PDGFRB: variants seen among roughly 807,000 people sequenced by gnomAD.
PDGFRB encodes platelet-derived growth factor receptor beta.
In PDGFRB, 42 loss-of-function variants were observed where a neutral mutation model predicts 120.2. The ratio of observed to expected loss-of-function variants is 0.35; its 90% CI spans 0.27 to 0.45. The LOEUF (loss-of-function observed/expected upper bound fraction) is 0.45. PDGFRB is among the 20% of genes least tolerant of loss of function. The pLI is 1.00. For synonymous variants in PDGFRB, 586 were observed against 606.8 expected, an observed-to-expected ratio of 0.97 and a Z score of 0.50; for missense variants, 1,149 against 1,476.3, an observed-to-expected ratio of 0.78 and a Z score of 3.63.
chr5:150,128,277 C>CCCA (rs1562000457), intron 10 of PDGFRB, among the ~76,000 whole-genome samples: 1 of 152,242 alleles, frequency 6.6e-6, no homozygotes, highest in East Asian at 1.9e-4. Flanking sequence ...TGCCCAGATA[C>CCCA]CCACTTGCTC....
chr5:150,142,807 G>T (rs1295130770), intron 1 of PDGFRB, among the ~76,000 whole-genome samples: 1 of 152,118 alleles, frequency 6.6e-6, no homozygotes, highest in Admixed American at 6.5e-5. Flanking sequence ...ATAGAACAAT[G>T]ATAAAAATAT....
intron 10 of PDGFRB, among the ~76,000 whole-genome samples, chr5:150,127,030 C>T (rs377531589): frequency 2.6e-5 from 4 of 152,210 alleles, no homozygotes; most frequent in East Asian, 3.8e-4. Flanking sequence ...TGCCACAGCT[C>T]GGTCAGACTC....
intron 1 of PDGFRB, among the ~76,000 whole-genome samples, chr5:150,141,776 G>A (rs1309269259): frequency 4.6e-5 from 7 of 152,054 alleles, no homozygotes; most frequent in African/African-American, 1.2e-4. Flanking sequence ...GTGTACACGC[G>A]CACGTGCTGA....
chr5:150,121,402 G>T lies in PDGFRB; in HGVS notation c.2345-80C>A. 1.3e-6 allele frequency: 1 copy of T among 781,996 alleles called. No homozygotes were observed. Among genetic ancestry groups the T allele is most frequent in the Middle Eastern group, 2.5e-4 (1 of 3,968 alleles). 48.4% of individuals were successfully genotyped at this position (781,996 alleles called of 1,614,324 possible). ...GACCCCTGCCCTTTGGCTCCTGGGA[G>T]ACTGAATGTCCAAGACAGGTGGCTA... On this transcript the variant is annotated intron_variant, in intron 16 of 22. Coordinates refer to ENST00000261799, the MANE Select transcript of PDGFRB (RefSeq NM_002609.4). This position sits in a 1 kb window ranked among gnomAD's most constrained non-coding sequence, Gnocchi z 4.1.
chr5:150,138,266 C>T (rs942334762), intron 1 of PDGFRB, among the ~76,000 whole-genome samples: 60 of 152,198 alleles, frequency 3.9e-4, no homozygotes, highest in African/African-American at 1.4e-3. Context: ...TGGCCTGCCT[C>T]TGAAGGCCAT....
At chr5:150,141,124 C>A (rs1021483252) in intron 1 of PDGFRB, among the ~76,000 whole-genome samples, 6 of 152,212 alleles carry the variant, frequency 3.9e-5, no homozygotes, top group African/African-American at 1.4e-4. Context: ...ATGCAAGAGG[C>A]CATGTGGGTG....
Position 150,115,188 on chromosome 5 carries a change from C to CGCAGGGA in PDGFRB, c.*568_*574dup. 4.3e-6 allele frequency: 1 copy of CGCAGGGA among 233,064 alleles called. No homozygotes were observed. Among genetic ancestry groups the CGCAGGGA allele is most frequent in the Admixed American group, 5.6e-5 (1 of 17,786 alleles). 14.4% of individuals were successfully genotyped at this position (233,064 alleles called of 1,614,324 possible). On this transcript the variant is annotated 3_prime_UTR_variant, in exon 23 of 23. Coordinates refer to ENST00000261799, the MANE Select transcript of PDGFRB (RefSeq NM_002609.4). ...CCCCAGACCAGCTCGGGCCAGGGAA[C>CGCAGGGA]GCAGGGACTGGCATCATAGGGAGGA...
At position 150,136,049 on chromosome 5, in the gene PDGFRB, G is replaced by T. The variant is rs185270779; in HGVS notation, c.41-171C>A. ...CATGGCTCTGAGGACCGCTCGCCCA[G>T]CTCCAAGGCCCCAGGGATTCCTCTG... is the stretch of plus-strand genomic sequence containing the variant. On this transcript the variant is annotated intron_variant, in intron 2 of 22. Transcript: ENST00000261799. Among the ~76,000 whole-genome samples, 7 of 152,314 alleles carry T rather than the reference G, an allele frequency of 4.6e-5. No homozygotes were observed. In the East Asian group the frequency reaches 1.4e-3, roughly 29 times the overall value.
chr5:150,132,677 G>A lies in PDGFRB; in HGVS notation c.1127+73C>T. On this transcript the variant is annotated intron_variant, in intron 7 of 22. Transcript: ENST00000261799. The surrounding 1 kb of genome is among the most constrained non-coding windows in gnomAD (Gnocchi z 5.0). ...GAAAGCTGGGCCTAGGTTTGTGGCT[G>A]AAAGCCGAGGGCTGCCTGGCGGCTG... The A allele has an allele frequency of 6.9e-7, 1 of 1,451,282 alleles. No homozygotes were observed. Among genetic ancestry groups the A allele is most frequent in the Non-Finnish European group, 9.3e-7 (1 of 1,073,988 alleles). The allele number at this position is 1,451,282 out of a possible 1,614,324, so 89.9% of individuals were successfully genotyped here.
rs562315093 is a variant in PDGFRB, at chr5:150,115,541, G to T, written c.*222C>A. The T allele has an allele frequency of 2.4e-6, 1 of 408,172 alleles. No homozygotes were observed. Among genetic ancestry groups the T allele is most frequent in the Non-Finnish European group, 4.3e-6 (1 of 233,248 alleles). 25.3% of individuals were successfully genotyped at this position (408,172 alleles called of 1,614,324 possible). A position where few individuals can be genotyped will look rare whatever the true frequency, so the allele number is the denominator to read the frequency against. ...GGGAACCCTGGCTCAGAGTCAGTTG[G>T]CCTCCCTGGAGGCAGAGGGCTGGTC... On this transcript the variant is annotated 3_prime_UTR_variant, in exon 23 of 23. Transcript: ENST00000261799.
chr5:150,147,411 G>A (rs573223191), intron 1 of PDGFRB, among the ~76,000 whole-genome samples: 3 of 152,298 alleles, frequency 2.0e-5, no homozygotes, highest in East Asian at 1.9e-4. Context: ...TCTGTTCCCC[G>A]GGCTGCTGCC....
At chr5:150,140,201 T>G (rs1300440163) in intron 1 of PDGFRB, among the ~76,000 whole-genome samples, 1 of 152,170 alleles carries the variant, frequency 6.6e-6, no homozygotes, top group Admixed American at 6.5e-5. Context: ...GTGTTAGGCC[T>G]CTTTGTGCTT....
At chr5:150,127,713 C>G (rs557364151) in intron 10 of PDGFRB, among the ~76,000 whole-genome samples, 14 of 151,592 alleles carry the variant, frequency 9.2e-5, no homozygotes, top group Admixed American at 3.9e-4. Flanking sequence ...GGACTGCTGT[C>G]ATCCCAGCTA....
intron 15 of PDGFRB, among the ~76,000 whole-genome samples, chr5:150,122,419 G>T (rs538729167): frequency 2.6e-4 from 39 of 152,246 alleles, no homozygotes; most frequent in Non-Finnish European, 3.8e-4. Context: ...TATGCCTGTA[G>T]CATCAGCTCC....
chr5:150,150,758 C>A (rs1302832328), intron 1 of PDGFRB, among the ~76,000 whole-genome samples: 1 of 152,150 alleles, frequency 6.6e-6, no homozygotes, highest in Non-Finnish European at 1.5e-5. Context: ...CACACCCACT[C>A]CCACCAGAGG....
rs887313869 is a variant in PDGFRB at position 150,130,094 on chromosome 5, G to A, written c.1368-126C>T. 2.4e-5 allele frequency: 18 copies of A among 762,698 alleles called. 1 individual carries two copies. In the Admixed American group the frequency reaches 2.6e-4, roughly 11 times the overall value. The allele number at this position is 762,698 out of a possible 1,614,324, so 47.2% of individuals were successfully genotyped here. A position where few individuals can be genotyped will look rare whatever the true frequency, so the allele number is the denominator to read the frequency against. ...TATGTCCCACTGCCTGTTTCCGAGC[G>A]GGCTCCTCCTGTGCTCCCTCTACTG... On this transcript the variant is annotated intron_variant, in intron 9 of 22. Transcript: ENST00000261799.
chr5:150,122,931 C>T (rs1760183472), intron 15 of PDGFRB, 111 bp downstream of exon 15: 2 of 946,888 alleles, frequency 2.1e-6, no homozygotes, highest in African/African-American at 1.6e-5. Context: ...AGGAGTGATT[C>T]TGTCCCCTGC....
At chr5:150,153,927 T>C (rs1312119350) in intron 1 of PDGFRB, 1 of 152,188 alleles carries the variant, frequency 6.6e-6, no homozygotes, top group Non-Finnish European at 1.5e-5. Context: ...AGGACATTTT[T>C]TCAGCCGCAC....
intron 15 of PDGFRB, among the ~76,000 whole-genome samples, chr5:150,122,445 G>A (rs1760168499): frequency 6.6e-6 from 1 of 152,210 alleles, no homozygotes; most frequent in Non-Finnish European, 1.5e-5. Flanking sequence ...GAGCTGTGGG[G>A]CTCTACACAC....
Sources: allele counts gnomAD v4.1 joint callset (sites outside exome capture counted in the v4.1 genomes callset), GRCh38; gene constraint gnomAD v4.1.1; non-coding constraint Gnocchi (gnomAD v3.1); transcripts MANE v1.5; gene names NCBI Gene and HGNC (gene_info 2026-07-23, HGNC 2026-07-21).